PCDH9: variants seen among roughly 807,000 people sequenced by gnomAD.
PCDH9 encodes protocadherin 9.
Under a neutral mutation model 70.6 loss-of-function variants are expected in PCDH9, and 24 were observed. The observed-to-expected ratio is 0.34, with a 90% CI of 0.25 to 0.48. PCDH9 has a LOEUF of 0.48. PCDH9 is among the 20% of genes least tolerant of loss of function. PCDH9 has a pLI of 0.99. For synonymous variants in PCDH9, 562 were observed against 558.5 expected (o/e 1.01, Z -0.09); for missense variants, 1,281 against 1,503.6 (o/e 0.85, Z 2.45).
chr13:67,120,963 G>A (rs567853556), intron 2 of PCDH9, among the ~76,000 whole-genome samples: 99 of 151,446 alleles, frequency 6.5e-4, no homozygotes, highest in Non-Finnish European at 1.1e-3. Flanking sequence ...ATTCTATTGA[G>A]AAGAAGCATT....
At chr13:66,790,665 C>T (rs547984653) in intron 3 of PCDH9, among the ~76,000 whole-genome samples, 1 of 151,944 alleles carries the variant, frequency 6.6e-6, no homozygotes, top group Non-Finnish European at 1.5e-5. Flanking sequence ...AGAGTAAATC[C>T]TATCCTTTTT....
intron 3 of PCDH9, among the ~76,000 whole-genome samples, chr13:66,716,225 G>A (rs2078864406): frequency 6.6e-6 from 1 of 152,184 alleles, no homozygotes; most frequent in Middle Eastern, 3.2e-3. Context: ...AATATAAAGA[G>A]TGCTACAGAA....
intron 2 of PCDH9, among the ~76,000 whole-genome samples, chr13:66,992,780 G>T (rs1296710211): frequency 2.6e-5 from 4 of 151,934 alleles, no homozygotes; most frequent in Admixed American, 1.3e-4. Context: ...ACAGGCCACA[G>T]AATTTCCTCA....
chr13:66,390,335 C>T (rs1956995342), intron 4 of PCDH9, among the ~76,000 whole-genome samples: 1 of 152,074 alleles, frequency 6.6e-6, no homozygotes, highest in African/African-American at 2.4e-5. Context: ...AGAAGTCACC[C>T]TTTGACCTTA....
Position 66,973,163 on chromosome 13 carries a change from CT to C in PCDH9, c.3037-69559del, listed in dbSNP as rs1024118478. On this transcript the variant is annotated intron_variant, in intron 2 of 4. Coordinates refer to ENST00000377865, the MANE Select transcript of PCDH9 (RefSeq NM_203487.3). ...GGGAGAATTAGCTCTTTGAGGAGCT[CT>C]ACATTTTGTTCTTGTGGCTTCCCTA... 3.3e-4 allele frequency among the ~76,000 whole-genome samples: 50 copies of C among 152,036 alleles called. 1 individual carries two copies. The highest frequency in any genetic ancestry group is 1.2e-3 in the African/African-American group (50 of 41,512).
intron 4 of PCDH9, among the ~76,000 whole-genome samples, chr13:66,622,271 G>A (rs1026578330): frequency 2.0e-5 from 3 of 152,156 alleles, no homozygotes; most frequent in East Asian, 1.9e-4. Flanking sequence ...CCTACCCTAC[G>A]AGTGCAGCCC....
At chr13:67,098,347 C>A (rs906911066) in intron 2 of PCDH9, among the ~76,000 whole-genome samples, 3 of 152,082 alleles carry the variant, frequency 2.0e-5, no homozygotes, top group African/African-American at 7.2e-5. Context: ...TGTTATACAT[C>A]TAGAATTAAA....
chr13:66,657,820 C>A (rs1809414400), intron 3 of PCDH9, among the ~76,000 whole-genome samples: 1 of 152,166 alleles, frequency 6.6e-6, no homozygotes, highest in Non-Finnish European at 1.5e-5. Context: ...GCATTATTAG[C>A]CTAATGCTTA....
chr13:67,157,152 G>A (rs1295233427), intron 2 of PCDH9, among the ~76,000 whole-genome samples: 2 of 152,106 alleles, frequency 1.3e-5, no homozygotes, highest in African/African-American at 4.8e-5. Context: ...ATTAATTGAT[G>A]AAATAAATGG....
intron 3 of PCDH9, among the ~76,000 whole-genome samples, chr13:66,867,593 G>A (rs9540938): frequency 0.15 from 23,035 of 151,902 alleles, 1,776 homozygotes; most frequent in Middle Eastern, 0.2. Context: ...AAAGTGGAAC[G>A]AAAAATAATT....
At chr13:66,975,887 A>T (rs930322506) in intron 2 of PCDH9, among the ~76,000 whole-genome samples, 2 of 152,102 alleles carry the variant, frequency 1.3e-5, no homozygotes, top group Non-Finnish European at 2.9e-5. Context: ...CTTTACAATG[A>T]GTGGAAAGTA....
chr13:66,649,764 G>A (rs1422052721), intron 3 of PCDH9, among the ~76,000 whole-genome samples: 2 of 151,924 alleles, frequency 1.3e-5, no homozygotes, highest in Non-Finnish European at 2.9e-5. Flanking sequence ...CACATTTCAA[G>A]ACATCAATGG....
intron 4 of PCDH9, among the ~76,000 whole-genome samples, chr13:66,561,086 C>A (rs566976248): frequency 6.6e-6 from 1 of 152,238 alleles, no homozygotes; most frequent in African/African-American, 2.4e-5. Context: ...GGCGGGAACC[C>A]GGGCTGCGCG....
intron 2 of PCDH9, among the ~76,000 whole-genome samples, chr13:67,148,426 C>A (rs1256273542): frequency 4.0e-5 from 6 of 150,426 alleles, no homozygotes; most frequent in African/African-American, 1.2e-4. Context: ...CAGTAACATG[C>A]ACATGTGCAA....
At chr13:66,686,492 G>C (rs9571623) in intron 3 of PCDH9, among the ~76,000 whole-genome samples, 48,748 of 151,954 alleles carry the variant, frequency 0.32, 8,550 homozygotes, top group East Asian at 0.51. Flanking sequence ...CATCATCTAA[G>C]ATAGTCAAAC....
intron 2 of PCDH9, among the ~76,000 whole-genome samples, chr13:67,182,357 A>G (rs2088640111): frequency 6.6e-6 from 1 of 152,100 alleles, no homozygotes; most frequent in Admixed American, 6.6e-5. Context: ...TTCACACCCC[A>G]ACATCTAATC....
At chr13:67,181,072 C>T (rs945796784) in intron 2 of PCDH9, among the ~76,000 whole-genome samples, 1 of 152,182 alleles carries the variant, frequency 6.6e-6, no homozygotes, top group East Asian at 1.9e-4. Flanking sequence ...GGAGATGTGT[C>T]GGAACCCAGA....
At chr13:66,701,392 C>T (rs1256838583) in intron 3 of PCDH9, among the ~76,000 whole-genome samples, 1 of 151,782 alleles carries the variant, frequency 6.6e-6, no homozygotes, top group Admixed American at 6.6e-5. Flanking sequence ...TATATATATA[C>T]ATATATGTGT....
intron 2 of PCDH9, among the ~76,000 whole-genome samples, chr13:67,040,611 A>G (rs1210526310): frequency 6.6e-6 from 1 of 152,062 alleles, no homozygotes; most frequent in Admixed American, 6.6e-5. Context: ...TGAGAAATAA[A>G]TTTCTGTCGC....
Sources: gnomAD v4.1 joint callset for allele counts (sites outside exome capture counted in the v4.1 genomes callset) on GRCh38, gnomAD v4.1.1 for gene constraint, MANE v1.5 for transcripts, NCBI Gene and HGNC (gene_info 2026-07-23, HGNC 2026-07-21) for gene names.